The following DDHD1 variants were observed in gnomAD, a reference collection of about 807,000 sequenced individuals.
DDHD1 encodes DDHD domain containing 1, also known as phospholipase DDHD1.
In DDHD1, 49 loss-of-function variants were observed where a neutral mutation model predicts 96.4. The observed-to-expected ratio is 0.51, with a 90% confidence interval of 0.40 to 0.64. The LOEUF (loss-of-function observed/expected upper bound fraction) is 0.64, where lower values mean the gene tolerates loss of function less well. Among genes scored for constraint, DDHD1 ranks in the 30% least tolerant of loss-of-function variants. The pLI, the probability that DDHD1 is intolerant of heterozygous loss-of-function variation, is 0.00. For missense variants in DDHD1, 1,106 were observed against 1,161.2 expected (o/e 0.95, Z 0.69); for synonymous variants, 442 against 446.5 (o/e 0.99, Z 0.13).
chr14:53,062,035 C>CAAAAAAAAA (rs779302322), intron 7 of DDHD1, among the ~76,000 whole-genome samples: 2 of 76,820 alleles, frequency 2.6e-5, no homozygotes, highest in African/African-American at 9.5e-5. Flanking sequence ...ACTCCGTCTC[C>CAAAAAAAAA]AAAAAAAAAA....
chr14:53,114,069 G>T (rs1360056729), intron 1 of DDHD1, among the ~76,000 whole-genome samples: 3 of 152,210 alleles, frequency 2.0e-5, no homozygotes, highest in African/African-American at 7.2e-5. Context: ...GCTTTAGTAG[G>T]TGGTTTTCCC....
chr14:53,086,553 A>T (rs900346840), intron 4 of DDHD1, among the ~76,000 whole-genome samples: 1 of 102,786 alleles, frequency 9.7e-6, no homozygotes, highest in Admixed American at 1.1e-4. Flanking sequence ...AGCCAAACCA[A>T]GCTTCATAAG....
intron 1 of DDHD1, among the ~76,000 whole-genome samples, chr14:53,134,680 A>G (rs1890104581): frequency 6.6e-6 from 1 of 152,026 alleles, no homozygotes; most frequent in African/African-American, 2.4e-5. Flanking sequence ...CTGGTATATG[A>G]CAACATAAAG....
At chr14:53,082,503 G>A (rs7140307) in intron 4 of DDHD1, among the ~76,000 whole-genome samples, 128,686 of 147,254 alleles carry the variant, frequency 0.87, 56,261 homozygotes, top group East Asian at 0.98. Flanking sequence ...TCACGCCTGT[G>A]ATCCCAGCAC....
chr14:53,074,988 G>A (rs113548558), intron 4 of DDHD1, among the ~76,000 whole-genome samples: 3 of 152,184 alleles, frequency 2.0e-5, no homozygotes, highest in Admixed American at 6.6e-5. Flanking sequence ...ATCGATAAAT[G>A]TATGTGGTCT....
In DDHD1 at chr14:53,043,680, G is replaced by C. The variant is rs1881818405; in HGVS notation, c.*3088C>G. 6.6e-6 allele frequency: 1 copy of C among 152,036 alleles called. No individual in the cohort carries two copies. Among genetic ancestry groups the C allele is most frequent in the Admixed American group, 6.6e-5 (1 of 15,252 alleles). The allele number at this position is 152,036 out of a possible 1,614,324, so 9.4% of individuals were successfully genotyped here. A position where few individuals can be genotyped will look rare whatever the true frequency, so the allele number is the denominator to read the frequency against. On this transcript the variant is annotated 3_prime_UTR_variant, in exon 13 of 13. Coordinates refer to ENST00000673822, the MANE Select transcript of DDHD1 (RefSeq NM_001160148.2). ...TGGGCTCAAGTAATCTTCCCTGCTT[G>C]GCCTCCCAAAGTGCTGGGATTACAG...
At chr14:53,110,638 A>T (rs1420135090) in intron 1 of DDHD1, among the ~76,000 whole-genome samples, 1 of 152,184 alleles carries the variant, frequency 6.6e-6, no homozygotes, top group Non-Finnish European at 1.5e-5. Context: ...ATTCTTAGAT[A>T]CAGGTGTTAT....
rs149715884 is a variant in DDHD1 at position 53,081,753 on chromosome 14, A to G, written c.1290-7906T>C. ...TTTTGTTATAAAGCAAACTTACACA[A>G]TCCTTCACTCCACAGGATCGCTATC... On this transcript the variant is annotated intron_variant, in intron 4 of 12. Coordinates refer to ENST00000673822, the MANE Select transcript of DDHD1 (RefSeq NM_001160148.2). Among the ~76,000 whole-genome samples the G allele has an allele frequency of 6.1e-4, 93 of 152,332 alleles. 1 individual carries two copies. The highest frequency in any genetic ancestry group is 2.1e-3 in the African/African-American group (87 of 41,568).
intron 1 of DDHD1, among the ~76,000 whole-genome samples, chr14:53,145,694 T>G (rs1890934433): frequency 6.6e-6 from 1 of 152,084 alleles, no homozygotes; most frequent in Admixed American, 6.6e-5. Context: ...CATAAAAGCT[T>G]AACTCTCCAT....
chr14:53,080,481 G>A (rs1028974460), intron 4 of DDHD1, among the ~76,000 whole-genome samples: 1 of 151,946 alleles, frequency 6.6e-6, no homozygotes, highest in African/African-American at 2.4e-5. Flanking sequence ...TTTTTAGAAC[G>A]ATTTTACATA....
At chr14:53,140,427 A>T (rs911463581) in intron 1 of DDHD1, among the ~76,000 whole-genome samples, 1 of 152,146 alleles carries the variant, frequency 6.6e-6, no homozygotes, top group Non-Finnish European at 1.5e-5. Context: ...GCTACTTGGG[A>T]GGCTTAGACA....
intron 4 of DDHD1, among the ~76,000 whole-genome samples, chr14:53,074,257 G>C (rs1219167061): frequency 6.6e-6 from 1 of 151,476 alleles, no homozygotes; most frequent in Non-Finnish European, 1.5e-5. Context: ...AAAATATTAA[G>C]ATACTATAAA....
chr14:53,044,714 T>C lies in DDHD1; in HGVS notation c.*2054A>G, dbSNP rs1881893609. 1 of 152,202 alleles carries C rather than the reference T, an allele frequency of 6.6e-6. No individual in the cohort carries two copies. Among genetic ancestry groups the C allele is most frequent in the African/African-American group, 2.4e-5 (1 of 41,446 alleles). The allele number at this position is 152,202 out of a possible 1,614,324, so 9.4% of individuals were successfully genotyped here. A position where few individuals can be genotyped will look rare whatever the true frequency, so the allele number is the denominator to read the frequency against. On this transcript the variant is annotated 3_prime_UTR_variant, in exon 13 of 13. Transcript: ENST00000673822. ...TCTTAGTGAGTCACATACTTGGTCA[T>C]GGAGCCTTGGAATTTTTTTTAAACA...
chr14:53,049,666 A>G (rs1418146205), intron 12 of DDHD1, among the ~76,000 whole-genome samples: 1 of 151,104 alleles, frequency 6.6e-6, no homozygotes, highest in Non-Finnish European at 1.5e-5. Context: ...TCAAAAAAAA[A>G]AAAAAAAAAA....
chr14:53,120,805 G>A (rs1034539722), intron 1 of DDHD1, among the ~76,000 whole-genome samples: 1 of 152,132 alleles, frequency 6.6e-6, no homozygotes, highest in Non-Finnish European at 1.5e-5. Flanking sequence ...ACTCAAAAAT[G>A]GAGTAAAGAC....
chr14:53,120,607 C>G lies in DDHD1; in HGVS notation c.839-16751G>C, dbSNP rs1304994414. Among the ~76,000 whole-genome samples, 4 of 152,210 alleles carry G rather than the reference C, an allele frequency of 2.6e-5. No individual in the cohort carries two copies. The East Asian group carries it at 5.8e-4, about 22-fold the overall frequency. Reference sequence around the variant, plus strand: ...ACTAGTACCAAAACAAATATACAGACTAATAGAACAGAACAGAGACCTCAG... The same window carrying G: ...ACTAGTACCAAAACAAATATACAGAGTAATAGAACAGAACAGAGACCTCAG... On this transcript the variant is annotated intron_variant, in intron 1 of 12. Coordinates refer to ENST00000673822, the MANE Select transcript of DDHD1 (RefSeq NM_001160148.2).
At chr14:53,107,613 A>G (rs1887788173) in intron 1 of DDHD1, among the ~76,000 whole-genome samples, 1 of 152,238 alleles carries the variant, frequency 6.6e-6, no homozygotes, top group Admixed American at 6.5e-5. Flanking sequence ...CAACATGGTG[A>G]AACCTCATCT....
chr14:53,073,966 CA>C, intron 4 of DDHD1, 119 bp from the exon 5 acceptor site: 1 of 833,186 alleles, frequency 1.2e-6, no homozygotes. Flanking sequence ...TAGCTTTGTC[CA>C]GTTACATTCC....
intron 4 of DDHD1, among the ~76,000 whole-genome samples, chr14:53,077,663 G>GTTTTTT (rs752020104): frequency 1.8e-5 from 1 of 56,724 alleles, no homozygotes; most frequent in Non-Finnish European, 4.0e-5. Context: ...ATTAGTTTTT[G>GTTTTTT]TTTTTGTTTT....
Sources: allele counts gnomAD v4.1 joint callset (sites outside exome capture counted in the v4.1 genomes callset), GRCh38; gene constraint gnomAD v4.1.1; transcripts MANE v1.5; gene names NCBI Gene and HGNC (gene_info 2026-07-23, HGNC 2026-07-21).